The following FSHR variants were observed in gnomAD, a reference collection of about 807,000 sequenced individuals.
The protein encoded by FSHR is follicle-stimulating hormone receptor.
A neutral mutation model predicts 52.1 loss-of-function variants in FSHR; 46 were observed. The ratio of observed to expected loss-of-function variants is 0.88; its 90% confidence interval spans 0.70 to 1.13. The LOEUF (loss-of-function observed/expected upper bound fraction) is 1.13, where lower values mean the gene tolerates loss of function less well. FSHR is among the 50% of genes most tolerant of loss of function. The pLI, the probability that FSHR is intolerant of heterozygous loss-of-function variation, is 0.00. For synonymous variants in FSHR, 399 were observed against 309.6 expected (o/e 1.29, Z -3.03); for missense variants, 964 against 834.6 (o/e 1.16, Z -1.91).
intron 2 of FSHR, among the ~76,000 whole-genome samples, chr2:49,044,500 A>G (rs1007798900): frequency 3.9e-5 from 6 of 152,188 alleles, no homozygotes; most frequent in Non-Finnish European, 8.8e-5. Flanking sequence ...CAGTCCAGTG[A>G]TTAGCTCTGC....
chr2:49,066,487 G>A (rs1276834545), intron 2 of FSHR, among the ~76,000 whole-genome samples: 1 of 152,090 alleles, frequency 6.6e-6, no homozygotes, highest in Non-Finnish European at 1.5e-5. Flanking sequence ...GTTCAGTTCA[G>A]TGCTGGGCCC....
chr2:49,021,841 C>T (rs62165291), intron 2 of FSHR, among the ~76,000 whole-genome samples: 6,357 of 37,048 alleles, frequency 0.17, 302 homozygotes, highest in South Asian at 0.31. Context: ...TTCTCTCTCT[C>T]TCTCTCTCTC....
intron 1 of FSHR, among the ~76,000 whole-genome samples, chr2:49,098,786 T>C (rs952730629): frequency 2.7e-5 from 4 of 145,848 alleles, no homozygotes; most frequent in African/African-American, 1.0e-4. Context: ...TATATACTTA[T>C]AATAATATAT....
intron 1 of FSHR, among the ~76,000 whole-genome samples, chr2:49,081,028 A>G (rs564885517): frequency 5.3e-5 from 8 of 152,208 alleles, no homozygotes; most frequent in Admixed American, 5.2e-4. Context: ...GAAAGACAAT[A>G]AGAGTTTTAT....
intron 4 of FSHR, among the ~76,000 whole-genome samples, chr2:49,001,010 T>C (rs1299283154): frequency 6.6e-6 from 1 of 152,160 alleles, no homozygotes; most frequent in Non-Finnish European, 1.5e-5. Flanking sequence ...CAAAGGTATT[T>C]CATATGATCT....
At chr2:49,091,053 A>G (rs960289930) in intron 1 of FSHR, among the ~76,000 whole-genome samples, 7 of 151,826 alleles carry the variant, frequency 4.6e-5, no homozygotes, top group Admixed American at 1.3e-4. Flanking sequence ...TTATCTCCCT[A>G]TCTGTAGTTT....
At chr2:49,007,478 T>C (rs963358261) in intron 4 of FSHR, among the ~76,000 whole-genome samples, 1 of 152,136 alleles carries the variant, frequency 6.6e-6, no homozygotes, top group Non-Finnish European at 1.5e-5. Context: ...GCAAGGGAGC[T>C]TGTGGACCAC....
At chr2:49,127,888 TC>T (rs1553350960) in intron 1 of FSHR, among the ~76,000 whole-genome samples, 5,191 of 46,824 alleles carry the variant, frequency 0.11, 801 homozygotes, top group East Asian at 0.13. Flanking sequence ...TTCTTCTTCT[TC>T]TTCTTCTTCT....
At chr2:49,074,508 C>T (rs1045791004) in intron 1 of FSHR, among the ~76,000 whole-genome samples, 1 of 151,946 alleles carries the variant, frequency 6.6e-6, no homozygotes, top group Non-Finnish European at 1.5e-5. Flanking sequence ...AAAAGGACAA[C>T]AAAATAACAA....
At chr2:49,119,366 GA>G (rs1183634018) in intron 1 of FSHR, among the ~76,000 whole-genome samples, 1 of 151,936 alleles carries the variant, frequency 6.6e-6, no homozygotes, top group Non-Finnish European at 1.5e-5. Flanking sequence ...GCTGAGACAA[GA>G]AGGATCATCT....
intron 2 of FSHR, among the ~76,000 whole-genome samples, chr2:49,061,578 A>G (rs1669292031): frequency 7.1e-6 from 1 of 141,068 alleles, no homozygotes; most frequent in Non-Finnish European, 1.5e-5. Context: ...ACATATTTAG[A>G]TATATATCTA....
In FSHR at chr2:48,990,646, A is replaced by T. The variant is rs753141201; in HGVS notation, c.375-9T>A. The T allele has an allele frequency of 6.4e-5, 100 of 1,556,860 alleles. No homozygotes were observed. In the Admixed American group the frequency reaches 1.6e-3, roughly 25 times the overall value. On this transcript the variant is annotated splice_polypyrimidine_tract_variant and intron_variant, in intron 4 of 9. Coordinates refer to ENST00000406846, the MANE Select transcript of FSHR (RefSeq NM_000145.4). ...CTGTGTTGGATATTAACCTAGAGAG[A>T]AACAAAATGAGAGTGAGTGAAAATG...
At chr2:49,035,672 G>A (rs1429251604) in intron 2 of FSHR, among the ~76,000 whole-genome samples, 1 of 152,218 alleles carries the variant, frequency 6.6e-6, no homozygotes, top group Non-Finnish European at 1.5e-5. Flanking sequence ...AGGGACCTAA[G>A]AGATTATTTA....
chr2:49,017,363 C>T (rs1667523875), intron 4 of FSHR, 126 bp downstream of exon 4: 1 of 697,412 alleles, frequency 1.4e-6, no homozygotes. Context: ...TCCACCTCCA[C>T]TTCTGCCCCC....
chr2:49,000,415 T>C (rs1666825023), intron 4 of FSHR, among the ~76,000 whole-genome samples: 2 of 152,172 alleles, frequency 1.3e-5, no homozygotes, highest in Non-Finnish European at 2.9e-5. Context: ...TGGGCTACTG[T>C]GTAGTTGTCA....
intron 1 of FSHR, among the ~76,000 whole-genome samples, chr2:49,138,790 C>T (rs1672574174): frequency 6.6e-6 from 1 of 152,088 alleles, no homozygotes; most frequent in South Asian, 2.1e-4. Context: ...TGTGAATATA[C>T]TAAAAGCCAT....
chr2:49,129,030 T>A (rs1672167183), intron 1 of FSHR, among the ~76,000 whole-genome samples: 1 of 141,796 alleles, frequency 7.1e-6, no homozygotes, highest in Middle Eastern at 3.5e-3. Context: ...TCATCCAGAT[T>A]GTTTATCTGT....
intron 1 of FSHR, among the ~76,000 whole-genome samples, chr2:49,077,464 C>G (rs1036101610): frequency 1.2e-4 from 19 of 152,190 alleles, no homozygotes; most frequent in African/African-American, 4.6e-4. Flanking sequence ...ACCTCTGGGT[C>G]TGTGATGAGA....
At chr2:48,998,007 G>T (rs1163001824) in intron 4 of FSHR, among the ~76,000 whole-genome samples, 1 of 151,998 alleles carries the variant, frequency 6.6e-6, no homozygotes, top group African/African-American at 2.4e-5. Context: ...CTTTTTACCT[G>T]TCTGACTCTG....
Sources: gnomAD v4.1 joint callset for allele counts (sites outside exome capture counted in the v4.1 genomes callset) on GRCh38, gnomAD v4.1.1 for gene constraint, MANE v1.5 for transcripts, NCBI Gene and HGNC (gene_info 2026-07-23, HGNC 2026-07-21) for gene names.